Variants in SLC4A7 observed in about 807,000 individuals in gnomAD.
SLC4A7 encodes sodium bicarbonate cotransporter 3.
SLC4A7 carries 51 observed loss-of-function variants against 137.6 expected under a neutral mutation model. The ratio of observed to expected loss-of-function variants is 0.37; its 90% CI spans 0.30 to 0.47. The LOEUF (loss-of-function observed/expected upper bound fraction) is 0.47. Among genes scored for constraint, SLC4A7 ranks in the 20% least tolerant of loss-of-function variants. The pLI is 1.00. For synonymous variants in SLC4A7, 542 were observed against 518.6 expected, an observed-to-expected ratio of 1.05 and a Z score of -0.61; for missense variants, 1,247 against 1,525.4, an observed-to-expected ratio of 0.82 and a Z score of 3.04.
At chr3:27,459,769 A>T (rs1262677606) in intron 1 of SLC4A7, among the ~76,000 whole-genome samples, 1 of 151,906 alleles carries the variant, frequency 6.6e-6, no homozygotes, top group African/African-American at 2.4e-5. Flanking sequence ...TCCCATTCCC[A>T]CTTCCACTCA....
intron 5 of SLC4A7, among the ~76,000 whole-genome samples, chr3:27,435,537 C>A (rs1267601471): frequency 2.0e-5 from 3 of 152,154 alleles, no homozygotes; most frequent in African/African-American, 7.2e-5. Context: ...AAAATGCCTA[C>A]CAAATAAAAT....
chr3:27,403,033 G>C (rs1967131), intron 15 of SLC4A7, 106 bp downstream of exon 15: 377,677 of 1,038,934 alleles, frequency 0.36, 74,460 homozygotes, highest in East Asian at 0.73. Flanking sequence ...TAGTTAAGTA[G>C]TTATAGCTAG....
At position 27,409,374 on chromosome 3, in the gene SLC4A7, T is replaced by C; in HGVS notation, c.1923A>G (p.Glu641=). ...TACTCACTATTCTGCCTTCTGTAGC[T>C]TCTCCAAGCAGCCCTCCAAAAGTGA... ...PVITFGGLLG[E]ATEGRISAIE... Residue 641 remains glutamate, a synonymous_variant, in exon 13 of 26, where the codon GAA becomes GAG. Coordinates refer to ENST00000454389, the MANE Select transcript of SLC4A7 (RefSeq NM_001321103.2). 6.2e-7 allele frequency: 1 copy of C among 1,610,876 alleles called. No individual in the cohort carries two copies. Among genetic ancestry groups the C allele is most frequent in the South Asian group, 1.1e-5 (1 of 90,416 alleles).
At position 27,391,624 on chromosome 3, in the gene SLC4A7, T is replaced by C. The variant is rs1408582520; in HGVS notation, c.3186+116A>G. ...TGTCTGAAGTCATCAGTTAGAAAAC[T>C]AACCTCCCCTCAAAATGTCAGAGTT... On this transcript the variant is annotated intron_variant, in intron 21 of 25. Transcript: ENST00000454389. The C allele has an allele frequency of 7.6e-6, 5 of 655,898 alleles. No individual in the cohort carries two copies. The Admixed American group carries it at 1.5e-4, about 19-fold the overall frequency. The allele number at this position is 655,898 out of a possible 1,614,324, so 40.6% of individuals were successfully genotyped here. A position where few individuals can be genotyped will look rare whatever the true frequency, so the allele number is the denominator to read the frequency against.
chr3:27,412,464 G>A (rs567867533), intron 11 of SLC4A7, among the ~76,000 whole-genome samples: 2 of 152,150 alleles, frequency 1.3e-5, no homozygotes, highest in Admixed American at 6.5e-5. Context: ...CATCCCAGGA[G>A]GTTTACTGGG....
intron 2 of SLC4A7, among the ~76,000 whole-genome samples, chr3:27,450,389 T>C (rs2057989339): frequency 6.6e-6 from 1 of 152,190 alleles, no homozygotes. Flanking sequence ...ATATAGTGAA[T>C]ACATTTAAAA....
At chr3:27,397,295 C>T (rs1206999590) in intron 18 of SLC4A7, among the ~76,000 whole-genome samples, 3 of 152,128 alleles carry the variant, frequency 2.0e-5, no homozygotes, top group Admixed American at 6.6e-5. Flanking sequence ...GGATTACAGG[C>T]ACAAGCCACT....
Position 27,456,612 on chromosome 3 carries a change from G to A in SLC4A7, c.61-4114C>T, listed in dbSNP as rs373323295. ...CACTATTAAACTCTGATTCAAATTC[G>A]TTTGTAAATAAAAGACAAGATCATA... On this transcript the variant is annotated intron_variant, in intron 1 of 25. Coordinates refer to ENST00000454389, the MANE Select transcript of SLC4A7 (RefSeq NM_001321103.2). 29 of 1,344,590 alleles carry A rather than the reference G, an allele frequency of 2.2e-5. No homozygotes were observed. In the African/African-American group the frequency reaches 3.3e-4, roughly 15 times the overall value. 83.3% of individuals were successfully genotyped at this position (1,344,590 alleles called of 1,614,324 possible).
intron 1 of SLC4A7, among the ~76,000 whole-genome samples, chr3:27,470,653 A>C (rs1318236703): frequency 4.6e-5 from 3 of 65,138 alleles, no homozygotes; most frequent in African/African-American, 8.9e-5. Flanking sequence ...AAAAAAAAAA[A>C]AAAAAACAGC....
chr3:27,419,359 A>C (rs1358349464), intron 10 of SLC4A7, among the ~76,000 whole-genome samples: 1 of 151,666 alleles, frequency 6.6e-6, no homozygotes, highest in Non-Finnish European at 1.5e-5. Flanking sequence ...GCCTGATGTC[A>C]GGAGTTTGAG....
Position 27,431,513 on chromosome 3 carries a change from A to G in SLC4A7, c.935T>C (p.Val312Ala), listed in dbSNP as rs577668904. The change falls in exon 7 of 26, where the codon GTA becomes GCA. Residue 312 changes from valine to alanine, a missense_variant. Physicochemically the swap from Val to Ala is moderately conservative, Grantham distance 64. Coordinates refer to ENST00000454389, the MANE Select transcript of SLC4A7 (RefSeq NM_001321103.2). ...AGGAGGACTGTTTTGAGGGGTGGGT[A>G]CTGGGGTTGTACACCTTGAGCCTGC... The part of the protein sequence containing the change: ...TPAGSRCTTP[V>A]PTPQNSPPSS... The G allele has an allele frequency of 9.9e-6, 16 of 1,614,122 alleles. No individual in the cohort carries two copies. In the South Asian group the frequency reaches 1.5e-4, roughly 16 times the overall value.
At chr3:27,386,960 G>A (rs1419661647) in intron 22 of SLC4A7, among the ~76,000 whole-genome samples, 2 of 152,064 alleles carry the variant, frequency 1.3e-5, no homozygotes, top group South Asian at 2.1e-4. Flanking sequence ...CCATACAAAA[G>A]AAATACTACC....
In SLC4A7 at chr3:27,439,048, CACAA is replaced by C. The variant is rs2056985078; in HGVS notation, c.290-1526_290-1523del. Among the ~76,000 whole-genome samples, 4 of 152,314 alleles carry C rather than the reference CACAA, an allele frequency of 2.6e-5. No individual in the cohort carries two copies. The South Asian group carries it at 8.3e-4, about 32-fold the overall frequency. On this transcript the variant is annotated intron_variant, in intron 3 of 25. Transcript: ENST00000454389. ...GGCTCCATATAAACAAATACACCAC[CACAA>C]ACAGTTACCCTGAATATGAGAGATG...
intron 15 of SLC4A7, 106 bp from the exon 16 acceptor site, chr3:27,400,975 C>T: frequency 1.6e-6 from 1 of 615,398 alleles, no homozygotes; most frequent in African/African-American, 1.9e-5. Flanking sequence ...TTTTTTCCCA[C>T]ATTGAGAAGC....
At chr3:27,425,650 T>C (rs2055515265) in intron 7 of SLC4A7, among the ~76,000 whole-genome samples, 1 of 108,406 alleles carries the variant, frequency 9.2e-6, no homozygotes, top group Non-Finnish European at 1.7e-5. Context: ...CACTCCAGCC[T>C]GGGCAACAAG....
chr3:27,447,390 A>G (rs2057737934), intron 3 of SLC4A7, among the ~76,000 whole-genome samples: 1 of 152,212 alleles, frequency 6.6e-6, no homozygotes, highest in African/African-American at 2.4e-5. Context: ...CTATGCCATC[A>G]GTATTTTCCT....
intron 1 of SLC4A7, among the ~76,000 whole-genome samples, chr3:27,473,077 CT>C (rs2059318578): frequency 1.6e-5 from 2 of 122,770 alleles, no homozygotes; most frequent in African/African-American, 2.8e-5. Context: ...AAGACTCTGT[CT>C]CAAAAAAAAA....
intron 22 of SLC4A7, 26 bp from the exon 23 acceptor site, chr3:27,386,049 T>C: frequency 6.4e-7 from 1 of 1,566,150 alleles, no homozygotes; most frequent in Non-Finnish European, 8.7e-7. Flanking sequence ...AAGGAAATAT[T>C]AAGTAACACA....
At chr3:27,481,492 A>G (rs2059704751) in intron 1 of SLC4A7, among the ~76,000 whole-genome samples, 1 of 152,230 alleles carries the variant, frequency 6.6e-6, no homozygotes. Context: ...GTCTGCTGCG[A>G]GTTAGAGTTA....
Sources: allele counts gnomAD v4.1 joint callset (sites outside exome capture counted in the v4.1 genomes callset), GRCh38; gene constraint gnomAD v4.1.1; transcripts MANE v1.5; gene names NCBI Gene and HGNC (gene_info 2026-07-23, HGNC 2026-07-21).